The following CDKL4 variants were observed in gnomAD, a reference collection of about 807,000 sequenced individuals.
The protein encoded by CDKL4 is cyclin dependent kinase like 4.
CDKL4 carries 44 observed loss-of-function variants against 42.0 expected under a neutral mutation model. The observed-to-expected ratio is 1.05, with a 90% CI of 0.82 to 1.35. CDKL4 has a LOEUF of 1.35. Among genes scored for constraint, CDKL4 ranks in the 40% most tolerant of loss-of-function variants. The pLI is 0.00. For missense variants in CDKL4, 393 were observed against 369.9 expected (o/e 1.06, Z -0.51); for synonymous variants, 120 against 121.6 (o/e 0.99, Z 0.09).
At chr2:39,179,345 G>T in intron 8 of CDKL4, 24 bp from the exon 9 acceptor site, 1 of 1,561,214 alleles carries the variant, frequency 6.4e-7, no homozygotes, top group African/African-American at 1.4e-5. Flanking sequence ...GAATAGCAAA[G>T]AAGATGTTAA....
chr2:39,211,324 G>A lies in CDKL4; in HGVS notation c.363+2076C>T, dbSNP rs182186774. On this transcript the variant is annotated intron_variant, in intron 4 of 9. Coordinates refer to ENST00000451199, the Ensembl canonical transcript of CDKL4. ...AATCACTTGAGCCCAGGAGTTTGAG[G>A]CTCAAGGGTGCTATGATAACACCAC... 1.3e-4 allele frequency among the ~76,000 whole-genome samples: 20 copies of A among 152,202 alleles called. No homozygotes were observed. In the East Asian group the frequency reaches 3.5e-3, roughly 26 times the overall value.
At chr2:39,219,068 A>G (rs2148366598) in intron 3 of CDKL4, among the ~76,000 whole-genome samples, 1 of 152,350 alleles carries the variant, frequency 6.6e-6, no homozygotes, top group East Asian at 1.9e-4. Context: ...GCACAAGGGC[A>G]AGGACTTTCT....
At chr2:39,187,737 C>G in intron 6 of CDKL4, 28 bp from the exon 7 acceptor site, 1 of 1,515,648 alleles carries the variant, frequency 6.6e-7, no homozygotes, top group East Asian at 2.3e-5. Context: ...CATAATTCAT[C>G]ATAAATTTGG....
At chr2:39,184,100 T>G (rs1572943035) in intron 8 of CDKL4, among the ~76,000 whole-genome samples, 2 of 152,320 alleles carry the variant, frequency 1.3e-5, no homozygotes, top group East Asian at 3.9e-4. Context: ...CCCAGGCCAT[T>G]CTGATGAATA....
intron 4 of CDKL4, among the ~76,000 whole-genome samples, chr2:39,205,017 A>G (rs1677078494): frequency 6.6e-6 from 1 of 151,940 alleles, no homozygotes; most frequent in South Asian, 2.1e-4. Context: ...TGTCTCTACA[A>G]AAAAGTTAAA....
intron 3 of CDKL4, among the ~76,000 whole-genome samples, chr2:39,220,491 A>G (rs1678236660): frequency 6.6e-6 from 1 of 152,250 alleles, no homozygotes. Flanking sequence ...ATGTATGAAG[A>G]AATGGATTTC....
intron 3 of CDKL4, among the ~76,000 whole-genome samples, chr2:39,213,855 C>G (rs1677741180): frequency 6.6e-6 from 1 of 152,176 alleles, no homozygotes. Context: ...TCAGGCATCT[C>G]TGCTCCTCTC....
intron 8 of CDKL4, among the ~76,000 whole-genome samples, chr2:39,182,106 CAA>C (rs1675474046): frequency 6.6e-6 from 1 of 152,148 alleles, no homozygotes; most frequent in Non-Finnish European, 1.5e-5. Flanking sequence ...CTTAGCCTCC[CAA>C]GTAGCTGGGA....
intron 2 of CDKL4, among the ~76,000 whole-genome samples, chr2:39,228,654 T>G (rs1021515870): frequency 6.6e-6 from 1 of 152,066 alleles, no homozygotes; most frequent in Admixed American, 6.5e-5. Context: ...AGAATCTGCA[T>G]TTCAACAAGG....
At chr2:39,224,279 TATTGGTATTCTG>T (rs1678557290) in intron 3 of CDKL4, among the ~76,000 whole-genome samples, 1 of 152,126 alleles carries the variant, frequency 6.6e-6, no homozygotes, top group Non-Finnish European at 1.5e-5. Flanking sequence ...AAAAATACCC[TATTGGTATTCTG>T]ATTAGAATTT....
upstream of CDKL4, among the ~76,000 whole-genome samples, chr2:39,244,536 C>T (rs1217818820): frequency 2.0e-5 from 3 of 152,260 alleles, no homozygotes; most frequent in Non-Finnish European, 4.4e-5. Context: ...GGACCTGCAG[C>T]CCGCCATACC....
At chr2:39,177,833 C>T (rs922973883) in intron 9 of CDKL4, among the ~76,000 whole-genome samples, 4 of 151,710 alleles carry the variant, frequency 2.6e-5, no homozygotes, top group Admixed American at 6.6e-5. Flanking sequence ...GGATTACAGG[C>T]GCCCGCCACC....
chr2:39,207,621 A>G (rs942516772), intron 4 of CDKL4, among the ~76,000 whole-genome samples: 2 of 152,220 alleles, frequency 1.3e-5, no homozygotes, highest in Non-Finnish European at 2.9e-5. Context: ...CCATTGGCCT[A>G]TACATATGTT....
downstream of CDKL4, among the ~76,000 whole-genome samples, chr2:39,174,714 G>C (rs546722979): frequency 1.3e-5 from 2 of 152,252 alleles, no homozygotes; most frequent in Admixed American, 1.3e-4. Context: ...TTCCTGATAG[G>C]AATATCACTG....
At chr2:39,224,758 C>T (rs1380567881) in intron 3 of CDKL4, among the ~76,000 whole-genome samples, 1 of 152,070 alleles carries the variant, frequency 6.6e-6, no homozygotes. Flanking sequence ...CCTGCCTCAG[C>T]CTCCCAAAGG....
At chr2:39,188,649 A>G (rs1675983981) in intron 6 of CDKL4, among the ~76,000 whole-genome samples, 1 of 150,986 alleles carries the variant, frequency 6.6e-6, no homozygotes. Context: ...TAATCTCATA[A>G]ATGAGATTTT....
chr2:39,243,601 C>T (rs1462441315), intron 1 of CDKL4, among the ~76,000 whole-genome samples: 2 of 152,260 alleles, frequency 1.3e-5, no homozygotes. Context: ...AGGTAGGCCT[C>T]CGCCTTGCGC....
the CDKL4 span, among the ~76,000 whole-genome samples, chr2:39,169,679 G>T: frequency 1.3e-5 from 2 of 152,218 alleles, no homozygotes; most frequent in African/African-American, 4.8e-5. Flanking sequence ...AGAAGGCACA[G>T]AAAAGTTAAA....
At chr2:39,177,647 C>G (rs1338048885) in intron 9 of CDKL4, among the ~76,000 whole-genome samples, 1 of 145,968 alleles carries the variant, frequency 6.9e-6, no homozygotes, top group Non-Finnish European at 1.5e-5. Flanking sequence ...GAGTGATCCA[C>G]CCGCCTCGGC....
Sources: gnomAD v4.1 joint callset for allele counts (sites outside exome capture counted in the v4.1 genomes callset) on GRCh38, gnomAD v4.1.1 for gene constraint, MANE v1.5 for transcripts, NCBI Gene and HGNC (gene_info 2026-07-23, HGNC 2026-07-21) for gene names.